The following NRXN1 variants were observed in gnomAD, a reference collection of about 807,000 sequenced individuals.
NRXN1 encodes the protein neurexin 1.
In NRXN1, 39 loss-of-function variants were observed where a neutral mutation model predicts 150.9. That is an observed-to-expected ratio of 0.26 (90% CI 0.20 to 0.34). The LOEUF is 0.34. Among genes scored for constraint, NRXN1 ranks in the 10% least tolerant of loss-of-function variants. NRXN1 has a pLI of 1.00. For synonymous variants in NRXN1, 924 were observed against 757.0 expected, an observed-to-expected ratio of 1.22 and a Z score of -3.62; for missense variants, 1,815 against 1,949.9, an observed-to-expected ratio of 0.93 and a Z score of 1.30.
At chr2:50,440,997 A>G (rs977029877) in intron 17 of NRXN1, among the ~76,000 whole-genome samples, 1 of 152,188 alleles carries the variant, frequency 6.6e-6, no homozygotes, top group African/African-American at 2.4e-5. Context: ...TTTTCGATTA[A>G]AGAAAAGCCA....
intron 17 of NRXN1, among the ~76,000 whole-genome samples, chr2:50,442,269 C>T (rs957946362): frequency 8.5e-5 from 13 of 152,146 alleles, no homozygotes; most frequent in Non-Finnish European, 1.2e-4. Context: ...CATAGTGGTC[C>T]TACATGTTGC....
chr2:50,064,415 A>G (rs951045184), intron 19 of NRXN1, among the ~76,000 whole-genome samples: 9 of 140,488 alleles, frequency 6.4e-5, no homozygotes, highest in Non-Finnish European at 1.2e-4. Flanking sequence ...CAGAAAAATT[A>G]ATACCACGTG....
At chr2:50,943,704 G>T (rs1164923488) in intron 2 of NRXN1, among the ~76,000 whole-genome samples, 1 of 151,966 alleles carries the variant, frequency 6.6e-6, no homozygotes, top group African/African-American at 2.4e-5. Flanking sequence ...GTGTAGCTCT[G>T]GTAAAAATAA....
intron 20 of NRXN1, 123 bp from the exon 21 acceptor site, chr2:50,053,713 T>A (rs1693147396): frequency 2.1e-6 from 2 of 947,464 alleles, no homozygotes; most frequent in East Asian, 5.2e-5. Flanking sequence ...GAGAGGCATT[T>A]GACTCATAAT....
At chr2:51,012,410 T>C (rs1280439212) in intron 2 of NRXN1, among the ~76,000 whole-genome samples, 1 of 152,050 alleles carries the variant, frequency 6.6e-6, no homozygotes, top group African/African-American at 2.4e-5. Flanking sequence ...AGGTATACCA[T>C]TGGACTTGCA....
At chr2:50,132,398 T>A (rs1705656587) in intron 18 of NRXN1, among the ~76,000 whole-genome samples, 1 of 151,576 alleles carries the variant, frequency 6.6e-6, no homozygotes, top group South Asian at 2.1e-4. Flanking sequence ...CTCCGCCTCC[T>A]GTGTTCACGC....
intron 17 of NRXN1, among the ~76,000 whole-genome samples, chr2:50,248,341 T>C (rs1321408298): frequency 6.6e-6 from 1 of 152,142 alleles, no homozygotes; most frequent in Non-Finnish European, 1.5e-5. Context: ...TTCTTGGCCA[T>C]GGGAATTTAT....
chr2:51,019,165 T>C (rs1669201757), intron 2 of NRXN1, among the ~76,000 whole-genome samples: 1 of 152,054 alleles, frequency 6.6e-6, no homozygotes. Flanking sequence ...TGTCATACAA[T>C]GGACAGGGCT....
intron 18 of NRXN1, among the ~76,000 whole-genome samples, chr2:50,214,603 AT>A (rs2063262332): frequency 6.6e-6 from 1 of 152,008 alleles, no homozygotes; most frequent in African/African-American, 2.4e-5. Context: ...GATAATTCAA[AT>A]ATAGTCTGTA....
chr2:50,402,193 C>A (rs10209627), intron 17 of NRXN1, among the ~76,000 whole-genome samples: 1 of 151,826 alleles, frequency 6.6e-6, no homozygotes, highest in East Asian at 1.9e-4. Context: ...CTCTAGGTAC[C>A]TAGGGATCAA....
At chr2:50,937,802 G>T (rs1688769680) in intron 2 of NRXN1, among the ~76,000 whole-genome samples, 1 of 152,016 alleles carries the variant, frequency 6.6e-6, no homozygotes, top group South Asian at 2.1e-4. Flanking sequence ...ATCCAATTGG[G>T]TGCTAATAAA....
intron 2 of NRXN1, among the ~76,000 whole-genome samples, chr2:50,951,742 C>T (rs940724412): frequency 1.3e-5 from 2 of 151,786 alleles, no homozygotes; most frequent in African/African-American, 4.8e-5. Flanking sequence ...TCTTCTATTA[C>T]CCTCATGCCT....
At chr2:50,641,043 C>A (rs1684005381) in intron 5 of NRXN1, among the ~76,000 whole-genome samples, 1 of 152,090 alleles carries the variant, frequency 6.6e-6, no homozygotes, top group South Asian at 2.1e-4. Context: ...CCTGGATAGG[C>A]TCATCTTTCT....
chr2:50,880,539 G>C (rs1435458009), intron 5 of NRXN1, among the ~76,000 whole-genome samples: 1 of 151,950 alleles, frequency 6.6e-6, no homozygotes, highest in Non-Finnish European at 1.5e-5. Flanking sequence ...TGTTTTAGGA[G>C]TAATCAGTCA....
chr2:50,035,171 A>G (rs545960067), intron 21 of NRXN1, among the ~76,000 whole-genome samples: 1 of 152,168 alleles, frequency 6.6e-6, no homozygotes, highest in Non-Finnish European at 1.5e-5. Context: ...TCTAATAAAA[A>G]GTTTGAATAA....
intron 5 of NRXN1, among the ~76,000 whole-genome samples, chr2:50,713,466 G>A (rs1258676325): frequency 6.6e-6 from 1 of 152,124 alleles, no homozygotes; most frequent in Admixed American, 6.5e-5. Flanking sequence ...GATCTGGCAA[G>A]TGCTTGGCTG....
At chr2:49,987,871 T>C (rs1558642120) in intron 21 of NRXN1, among the ~76,000 whole-genome samples, 2 of 152,078 alleles carry the variant, frequency 1.3e-5, no homozygotes, top group African/African-American at 4.8e-5. Flanking sequence ...TCAGGCAATA[T>C]TTTAAGGTCT....
intron 22 of NRXN1, among the ~76,000 whole-genome samples, chr2:49,924,703 C>T (rs1668788633): frequency 6.6e-6 from 1 of 152,182 alleles, no homozygotes; most frequent in Admixed American, 6.6e-5. Flanking sequence ...TATCTCTACA[C>T]AAAACCCAGA....
rs764073226 is a variant in NRXN1, at chr2:50,019,641, C to CAAAAAAAAAAAAAAAAAAAAAAA, written c.4128+33629_4128+33630insTTTTTTTTTTTTTTTTTTTTTTT. 2.0e-3 allele frequency among the ~76,000 whole-genome samples: 50 copies of CAAAAAAAAAAAAAAAAAAAAAAA among 25,546 alleles called. 1 individual carries two copies. Among genetic ancestry groups the CAAAAAAAAAAAAAAAAAAAAAAA allele is most frequent in the African/African-American group, 2.2e-3 (11 of 5,102 alleles). 16.8% of individuals were successfully genotyped at this position (25,546 alleles called of 152,430 possible). Reference sequence around the variant, plus strand: ...TGTAAGAAGGAGCAAGATTCCGTCTCAAAAAAAAAAAAAAAAAAAAGGAGG... The same window carrying CAAAAAAAAAAAAAAAAAAAAAAA: ...TGTAAGAAGGAGCAAGATTCCGTCTCAAAAAAAAAAAAAAAAAAAAAAAAAAAAAAAAAAAAAAAAAAAGGAGG... On this transcript the variant is annotated intron_variant, in intron 21 of 22. Transcript: ENST00000401669.
Sources: gnomAD v4.1 joint callset for allele counts (sites outside exome capture counted in the v4.1 genomes callset) on GRCh38, gnomAD v4.1.1 for gene constraint, MANE v1.5 for transcripts, NCBI Gene and HGNC (gene_info 2026-07-23, HGNC 2026-07-21) for gene names.